The following DOP1B variants were observed in gnomAD, a reference collection of about 807,000 sequenced individuals.
DOP1B encodes the protein DOP1 leucine zipper like protein B.
In DOP1B, 174 loss-of-function variants were observed where a neutral mutation model predicts 233.5. The ratio of observed to expected loss-of-function variants is 0.75; its 90% CI spans 0.66 to 0.85. DOP1B has a LOEUF of 0.85. DOP1B is among the 40% of genes least tolerant of loss of function. The probability of loss-of-function intolerance (pLI) is 0.00; values close to 1 mark genes in which losing one functional copy is unlikely to be tolerated. For missense variants in DOP1B, 2,652 were observed against 2,846.6 expected (o/e 0.93, Z 1.56); for synonymous variants, 1,190 against 1,185.6 (o/e 1.00, Z -0.08).
chr21:36,164,857 G>C lies in DOP1B; in HGVS notation c.124G>C (p.Gly42Arg). The C allele has an allele frequency of 6.2e-7, 1 of 1,609,932 alleles. No homozygotes were observed. The highest frequency in any genetic ancestry group is 1.1e-5 in the South Asian group (1 of 90,298). Residue 42 changes from glycine to arginine, a missense_variant, in exon 2 of 37, where the codon GGC becomes CGC. Gly to Arg is a moderately radical substitution (Grantham distance 125). This residue lies in a region of DOP1B where 2,617 missense variants were observed against 2,794.3 expected (regional missense o/e 0.94). Transcript: ENST00000691173. ...ATGGGCGGATCTCATATCTTCACTTGGCAAACTCAACAAGGTATGTAGGGT... is the reference window on the plus strand; with the variant it reads ...ATGGGCGGATCTCATATCTTCACTTCGCAAACTCAACAAGGTATGTAGGGT... ...SEWADLISSL[G>R]KLNKALQSNL...
At chr21:36,182,942 C>T (rs1321172338) in intron 2 of DOP1B, among the ~76,000 whole-genome samples, 1 of 152,210 alleles carries the variant, frequency 6.6e-6, no homozygotes, top group South Asian at 2.1e-4. Flanking sequence ...GCTCCTTTAG[C>T]CCTGGTTTCC....
intron 2 of DOP1B, among the ~76,000 whole-genome samples, chr21:36,193,813 T>G (rs1363117634): frequency 6.6e-6 from 1 of 152,234 alleles, no homozygotes; most frequent in African/African-American, 2.4e-5. Flanking sequence ...CCTTCTCCAC[T>G]GGGCTACAGC....
chr21:36,175,744 G>A (rs1228400013), intron 2 of DOP1B: 1 of 152,314 alleles, frequency 6.6e-6, no homozygotes, highest in African/African-American at 2.4e-5. Context: ...AATGAACCAA[G>A]ATGGCACTGC....
chr21:36,270,326 G>T (rs570398895), intron 27 of DOP1B, among the ~76,000 whole-genome samples, 169 bp downstream of exon 27: 2 of 151,966 alleles, frequency 1.3e-5, no homozygotes, highest in Admixed American at 6.6e-5. Context: ...ACCGAGATGG[G>T]CAGATAAAGC....
intron 20 of DOP1B, among the ~76,000 whole-genome samples, 178 bp downstream of exon 20, chr21:36,247,806 ATG>A (rs1470137040): frequency 6.6e-6 from 1 of 152,278 alleles, no homozygotes; most frequent in Non-Finnish European, 1.5e-5. Flanking sequence ...ATGCAAATGC[ATG>A]TGTGTTAGCA....
intron 4 of DOP1B, among the ~76,000 whole-genome samples, chr21:36,207,863 C>T (rs897671498): frequency 1.3e-5 from 2 of 152,186 alleles, no homozygotes; most frequent in Non-Finnish European, 2.9e-5. Context: ...TGTCACCCAG[C>T]CTGCAGATTG....
rs757201310 is a variant in DOP1B, at chr21:36,237,376, G to A, written c.2737G>A (p.Glu913Lys). The A allele has an allele frequency of 1.6e-5, 26 of 1,614,128 alleles. No individual in the cohort carries two copies. Among genetic ancestry groups the A allele is most frequent in the South Asian group, 2.2e-5 (2 of 91,090 alleles). The change falls in exon 16 of 37, where the codon GAG becomes AAG. Residue 913 changes from glutamate to lysine, a missense_variant. Physicochemically the swap from Glu to Lys is moderately conservative, Grantham distance 56. This residue lies in a region of DOP1B where 2,617 missense variants were observed against 2,794.3 expected (regional missense o/e 0.94). Transcript: ENST00000691173. ...HCLAPTANICEDIICHALLDP... is the reference protein window; with the variant it reads ...HCLAPTANICKDIICHALLDP... ...CCTGGCCCCTACGGCCAACATCTGC[G>A]AGGACATCATCTGCCATGCCCTCCT...
Position 36,247,583 on chromosome 21 carries a change from C to G in DOP1B, c.4764C>G (p.Thr1588=), listed in dbSNP as rs2066982679. Residue 1588 remains threonine (T), a synonymous_variant, in exon 20 of 37, where the codon ACC becomes ACG. Coordinates refer to ENST00000691173, the MANE Select transcript of DOP1B (RefSeq NM_001320714.2). ...TCACCCTTCTAGAAGGTCTAACGAC[C>G]ATTAGTCATTTTTGTCTTTTGGAAC... ...YPLTLLEGLT[T]ISHFCLLEQA... The G allele has an allele frequency of 6.2e-7, 1 of 1,609,100 alleles. No homozygotes were observed. The highest frequency in any genetic ancestry group is 1.3e-5 in the African/African-American group (1 of 74,606).
intron 1 of DOP1B, among the ~76,000 whole-genome samples, chr21:36,158,909 C>T (rs1249262331): frequency 6.6e-6 from 1 of 151,882 alleles, no homozygotes; most frequent in East Asian, 1.9e-4. Flanking sequence ...GGGCGGATCA[C>T]CTTACGTCAG....
At chr21:36,289,289 T>C in intron 35 of DOP1B, 83 bp downstream of exon 35, 1 of 1,427,702 alleles carries the variant, frequency 7.0e-7, no homozygotes, top group Non-Finnish European at 9.7e-7. Context: ...GTTTTTCATG[T>C]ACAGTTTATG....
Position 36,250,941 on chromosome 21 carries a change from G to A in DOP1B, c.4999-221G>A, listed in dbSNP as rs981457231. On this transcript the variant is annotated intron_variant, in intron 21 of 36. Transcript: ENST00000691173. ...TGGCTGCTCACTGCCCCTTCCCCCC[G>A]CCGGCATGACACGCCAACATCACAC... Among the ~76,000 whole-genome samples, 7 of 152,044 alleles carry A rather than the reference G, an allele frequency of 4.6e-5. 1 individual carries two copies. The highest frequency in any genetic ancestry group is 3.9e-4 in the East Asian group (2 of 5,192).
intron 12 of DOP1B, among the ~76,000 whole-genome samples, chr21:36,225,968 A>G (rs1167591806): frequency 6.6e-6 from 1 of 152,170 alleles, no homozygotes; most frequent in African/African-American, 2.4e-5. Context: ...GAAAGAGTCA[A>G]TACATTTCCT....
At chr21:36,252,531 A>T (rs1313431866) in intron 22 of DOP1B, among the ~76,000 whole-genome samples, 1 of 149,924 alleles carries the variant, frequency 6.7e-6, no homozygotes, top group African/African-American at 2.4e-5. Flanking sequence ...TCATATTTCT[A>T]TGCCCAAAGA....
rs2067524314 is a variant in DOP1B, at chr21:36,289,101, C to T, written c.6410C>T (p.Ser2137Leu). The T allele has an allele frequency of 6.2e-7, 1 of 1,614,028 alleles. No individual in the cohort carries two copies. The highest frequency in any genetic ancestry group is 8.5e-7 in the Non-Finnish European group (1 of 1,179,990). The change falls in exon 35 of 37, where the codon TCA (serine) becomes TTA (leucine). Residue 2137 changes from serine (S) to leucine (L), a missense_variant. Coordinates refer to ENST00000691173, the MANE Select transcript of DOP1B (RefSeq NM_001320714.2). ...KVSVPDANGP[S>L]VGEIPQSELI... is the part of the protein sequence containing the mutation. ...TCAGTCCCGGATGCAAATGGACCCT[C>T]AGTGGGGGAGATACCCCAGAGTGAA...
intron 21 of DOP1B, among the ~76,000 whole-genome samples, chr21:36,249,477 C>T (rs1212380668): frequency 6.6e-6 from 1 of 152,132 alleles, no homozygotes; most frequent in Non-Finnish European, 1.5e-5. Flanking sequence ...AGATCCTCAC[C>T]TCTAAATGAT....
At chr21:36,240,208 G>A (rs995203310) in intron 18 of DOP1B, among the ~76,000 whole-genome samples, 9 of 152,108 alleles carry the variant, frequency 5.9e-5, no homozygotes, top group African/African-American at 1.4e-4. Context: ...GGCCAGGCAC[G>A]GTGGCTCACA....
At chr21:36,271,553 T>G (rs1228490973) in intron 27 of DOP1B, among the ~76,000 whole-genome samples, 1 of 151,948 alleles carries the variant, frequency 6.6e-6, no homozygotes, top group Non-Finnish European at 1.5e-5. Flanking sequence ...ATTACAGGCG[T>G]GAGCCTCTGC....
chr21:36,261,948 C>G (rs772073560), intron 24 of DOP1B: 238 of 984,428 alleles, frequency 2.4e-4, no homozygotes, highest in Non-Finnish European at 2.7e-4. Context: ...GGGTATAGAC[C>G]ACTTCTCAGG....
At chr21:36,161,746 T>C (rs1248547052) in intron 1 of DOP1B, among the ~76,000 whole-genome samples, 3 of 152,214 alleles carry the variant, frequency 2.0e-5, no homozygotes, top group African/African-American at 7.2e-5. Context: ...AAGATCGCCG[T>C]GCCCAGTGGC....
Sources: gnomAD v4.1 joint callset for allele counts (sites outside exome capture counted in the v4.1 genomes callset) on GRCh38, gnomAD v4.1.1 for gene constraint, gnomAD v4.1.1 regional missense constraint, MANE v1.5 for transcripts, NCBI Gene and HGNC (gene_info 2026-07-23, HGNC 2026-07-21) for gene names.